The following ABR variants were observed in gnomAD, a reference collection of about 807,000 sequenced individuals.
ABR encodes ABR activator of RhoGEF and GTPase, also known as active breakpoint cluster region-related protein.
In ABR, 35 loss-of-function variants were observed where a neutral mutation model predicts 107.2. The observed-to-expected ratio is 0.33, with a 90% CI of 0.25 to 0.43. ABR has a LOEUF of 0.43. ABR is among the 20% of genes least tolerant of loss of function. The probability of loss-of-function intolerance (pLI) is 1.00; values close to 1 mark genes in which losing one functional copy is unlikely to be tolerated. For missense variants in ABR, 815 were observed against 1,115.2 expected (o/e 0.73, Z 3.83); for synonymous variants, 498 against 462.0 (o/e 1.08, Z -1.00).
In ABR at chr17:1,011,156, C is replaced by T. The variant is rs1427782663; in HGVS notation, c.2102-293G>A. The T allele has an allele frequency of 2.4e-6, 1 of 415,402 alleles. No individual in the cohort carries two copies. Among genetic ancestry groups the T allele is most frequent in the East Asian group, 4.8e-5 (1 of 20,824 alleles). The allele number at this position is 415,402 out of a possible 1,614,324, so 25.7% of individuals were successfully genotyped here. A position where few individuals can be genotyped will look rare whatever the true frequency, so the allele number is the denominator to read the frequency against. On this transcript the variant is annotated intron_variant, in intron 19 of 22. Coordinates refer to ENST00000302538, the MANE Select transcript of ABR (RefSeq NM_021962.5). This position sits in a 1 kb window ranked among gnomAD's most constrained non-coding sequence, Gnocchi z 4.8. ...AGCCACATTCATACCATGTGGCCTG[C>T]AGCTTCCTTCCGACTGGAACCTCTC... is the stretch of plus-strand genomic sequence containing the variant.
intron 10 of ABR, among the ~76,000 whole-genome samples, chr17:1,062,885 A>G: frequency 7.1e-6 from 1 of 141,078 alleles, no homozygotes; most frequent in Non-Finnish European, 1.6e-5. Flanking sequence ...TGTTATGTGA[A>G]CTGAGGGCTA....
chr17:1,088,206 C>A (rs1407530742), intron 4 of ABR, among the ~76,000 whole-genome samples: 3 of 152,026 alleles, frequency 2.0e-5, no homozygotes, highest in African/African-American at 7.2e-5. Context: ...AAGACCAGAA[C>A]CGGGGACAGC....
intron 1 of ABR, among the ~76,000 whole-genome samples, chr17:1,132,216 A>AC (rs2039875300): frequency 6.7e-6 from 1 of 148,446 alleles, no homozygotes; most frequent in African/African-American, 2.5e-5. Flanking sequence ...CACACACACA[A>AC]AGACACGCAC....
chr17:1,076,947 CTT>C (rs2035789221), intron 6 of ABR, among the ~76,000 whole-genome samples: 1 of 152,198 alleles, frequency 6.6e-6, no homozygotes, highest in Admixed American at 6.5e-5. Flanking sequence ...CTGACACTGA[CTT>C]GGGCAGCAAG....
chr17:1,116,152 G>A (rs989119650), intron 2 of ABR, among the ~76,000 whole-genome samples: 13 of 151,994 alleles, frequency 8.6e-5, no homozygotes, highest in East Asian at 1.9e-4. Context: ...CCCAGGAGGC[G>A]GAGGCTGCAA....
chr17:1,190,874 C>A (rs185966928), upstream of ABR, among the ~76,000 whole-genome samples: 49 of 152,344 alleles, frequency 3.2e-4, 1 homozygote, highest in Admixed American at 2.9e-3. Context: ...GAACCTCCAA[C>A]CAGACAGATG....
intron 2 of ABR, among the ~76,000 whole-genome samples, chr17:1,114,924 G>T (rs1291182869): frequency 6.6e-6 from 1 of 152,222 alleles, no homozygotes; most frequent in African/African-American, 2.4e-5. Context: ...GCCAGGCACA[G>T]TTCTCGGCAC....
chr17:1,113,915 C>G (rs1491004016), intron 2 of ABR, among the ~76,000 whole-genome samples: 1 of 152,194 alleles, frequency 6.6e-6, no homozygotes, highest in Non-Finnish European at 1.5e-5. Flanking sequence ...CGCCTGAAAT[C>G]CCAACAGTTC....
chr17:1,215,264 C>T (rs935949967), intron 1 of ABR, among the ~76,000 whole-genome samples: 24 of 151,728 alleles, frequency 1.6e-4, no homozygotes, highest in Admixed American at 5.2e-4. Context: ...CTCCCTCTCT[C>T]TCCACGGTCT....
At chr17:1,216,759 T>A (rs1037143821) in intron 1 of ABR, among the ~76,000 whole-genome samples, 2 of 152,138 alleles carry the variant, frequency 1.3e-5, no homozygotes, top group Non-Finnish European at 2.9e-5. Context: ...GAACTCTGGG[T>A]CTGGTGGCCA....
chr17:1,076,379 G>C (rs2035708534), intron 6 of ABR, among the ~76,000 whole-genome samples: 1 of 152,118 alleles, frequency 6.6e-6, no homozygotes, highest in South Asian at 2.1e-4. Context: ...TTCTGAGGCT[G>C]TTTAAGGCAC....
upstream of ABR, among the ~76,000 whole-genome samples, chr17:1,187,760 G>A (rs2042341216): frequency 6.6e-6 from 1 of 152,006 alleles, no homozygotes; most frequent in African/African-American, 2.4e-5. Context: ...CGGGCATGGT[G>A]GTGGGTGCCT....
Position 1,157,068 on chromosome 17 carries a change from G to A in ABR, c.61+22599C>T, listed in dbSNP as rs538398609. Among the ~76,000 whole-genome samples the A allele has an allele frequency of 7.9e-4, 121 of 152,204 alleles. No homozygotes were observed. The highest frequency in any genetic ancestry group is 2.8e-3 in the African/African-American group (115 of 41,526). On this transcript the variant is annotated intron_variant, in intron 1 of 22. Transcript: ENST00000302538. This position sits in a 1 kb window ranked among gnomAD's most constrained non-coding sequence, Gnocchi z 4.7. ...TTAACTCACCGCAGCCTCACACCGC[G>A]CCAGGAGGCAGGCACTAATATTATC...
chr17:1,107,755 CG>C (rs2038358533), intron 2 of ABR, among the ~76,000 whole-genome samples: 2 of 152,348 alleles, frequency 1.3e-5, no homozygotes, highest in South Asian at 4.1e-4. Flanking sequence ...CACGGCCCTA[CG>C]CCAGCACCAG....
chr17:1,025,275 G>A (rs368975128), intron 16 of ABR, among the ~76,000 whole-genome samples: 8 of 151,940 alleles, frequency 5.3e-5, no homozygotes, highest in African/African-American at 1.7e-4. Context: ...CAGCCTGGGC[G>A]ACACAGCAAG....
Position 1,011,862 on chromosome 17 carries a change from C to T in ABR, c.2085G>A (p.Lys695=). Residue 695 remains lysine, a synonymous_variant, in exon 19 of 23, where the codon AAG becomes AAA. Coordinates refer to ENST00000302538, the MANE Select transcript of ABR (RefSeq NM_021962.5). This position sits in a 1 kb window ranked among gnomAD's most constrained non-coding sequence, Gnocchi z 4.8. ...SGVATDIQAL[K]AVFDANNKDI... Reference sequence around the variant, plus strand: ...CAGACTCACTGGCATCGAAGACGGCCTTGAGCGCCTGGATGTCCGTGGCCA... The same window carrying T: ...CAGACTCACTGGCATCGAAGACGGCTTTGAGCGCCTGGATGTCCGTGGCCA... The T allele has an allele frequency of 6.3e-7, 1 of 1,586,952 alleles. No homozygotes were observed.
At chr17:1,195,728 C>T (rs976993037) in intron 1 of ABR, among the ~76,000 whole-genome samples, 4 of 149,854 alleles carry the variant, frequency 2.7e-5, no homozygotes, top group Admixed American at 2.7e-4. Context: ...GGTGTGAACC[C>T]GGGAGGCAAA....
chr17:1,137,081 T>C (rs1343752168), intron 1 of ABR, among the ~76,000 whole-genome samples: 3 of 151,666 alleles, frequency 2.0e-5, no homozygotes, highest in Non-Finnish European at 4.4e-5. Flanking sequence ...ACAGTCTCTA[T>C]CACCCAGGCT....
intron 2 of ABR, among the ~76,000 whole-genome samples, chr17:1,103,069 T>C (rs2038012492): frequency 6.6e-6 from 1 of 152,086 alleles, no homozygotes; most frequent in South Asian, 2.1e-4. Context: ...AGCCCTTAAG[T>C]TTGTGGCGAT....
Sources: allele counts gnomAD v4.1 joint callset (sites outside exome capture counted in the v4.1 genomes callset), GRCh38; gene constraint gnomAD v4.1.1; non-coding constraint Gnocchi (gnomAD v3.1); transcripts MANE v1.5; gene names NCBI Gene and HGNC (gene_info 2026-07-23, HGNC 2026-07-21).